The following MON2 variants were observed in gnomAD, a reference collection of about 807,000 sequenced individuals.
The protein encoded by MON2 is protein MON2 homolog.
A neutral mutation model predicts 208.6 loss-of-function variants in MON2; 84 were observed. The observed-to-expected ratio is 0.40, with a 90% confidence interval of 0.34 to 0.48. MON2 has a LOEUF of 0.48. Ranked by LOEUF, MON2 falls within the 20% of genes least tolerant of loss-of-function variation. MON2 has a pLI of 0.59. For synonymous variants in MON2, 660 were observed against 694.0 expected (o/e 0.95, Z 0.77); for missense variants, 1,611 against 2,015.4 (o/e 0.80, Z 3.84).
At position 62,498,859 on chromosome 12, in the gene MON2, T is replaced by G. The variant is rs144720499; in HGVS notation, c.436-60T>G. 1.4e-4 allele frequency: 214 copies of G among 1,493,462 alleles called. No individual in the cohort carries two copies. The African/African-American group carries it at 2.8e-3, about 20-fold the overall frequency. The allele number at this position is 1,493,462 out of a possible 1,614,324, so 92.5% of individuals were successfully genotyped here. ...AAACAACCAAACATAAATTATTCAA[T>G]AAAGATAATGGCTTTGCTTTTCAAT... On this transcript the variant is annotated intron_variant, in intron 4 of 34. Transcript: ENST00000393630.
Position 62,555,998 on chromosome 12 carries a change from T to C in MON2, c.3215T>C (p.Leu1072Pro). The change falls in exon 25 of 35, where the codon CTC (leucine) becomes CCC (proline). Residue 1072 changes from leucine to proline, a missense_variant. Transcript: ENST00000393630. Reference sequence around the variant, plus strand: ...GACATTTTAATAAATATTTAGGTACTCTTTCATCTACTGGACAGAGTTCGA... The same window carrying C: ...GACATTTTAATAAATATTTAGGTACCCTTTCATCTACTGGACAGAGTTCGA... ...STWHTVIWKVLFHLLDRVRES... is the reference protein window; with the variant it reads ...STWHTVIWKVPFHLLDRVRES... 1 of 1,604,016 alleles carries C rather than the reference T, an allele frequency of 6.2e-7. No individual in the cohort carries two copies. Among genetic ancestry groups the C allele is most frequent in the Non-Finnish European group, 8.5e-7 (1 of 1,172,210 alleles).
chr12:62,484,556 A>C (rs2069646650), intron 2 of MON2, among the ~76,000 whole-genome samples: 1 of 152,200 alleles, frequency 6.6e-6, no homozygotes, highest in South Asian at 2.1e-4. Flanking sequence ...AAAAGCATTC[A>C]GTAATATTTG....
intron 19 of MON2, among the ~76,000 whole-genome samples, chr12:62,540,291 T>A (rs2073177030): frequency 6.6e-6 from 1 of 152,172 alleles, no homozygotes; most frequent in South Asian, 2.1e-4. Flanking sequence ...ACAATTACTA[T>A]GGTATGAGAG....
At chr12:62,583,831 G>A (rs1251549271) in intron 32 of MON2, among the ~76,000 whole-genome samples, 6 of 150,000 alleles carry the variant, frequency 4.0e-5, no homozygotes, top group South Asian at 2.1e-4. Context: ...GTGGTGGTGC[G>A]TGCCTGTAAT....
At chr12:62,511,763 G>A (rs1464884935) in intron 8 of MON2, among the ~76,000 whole-genome samples, 3 of 152,154 alleles carry the variant, frequency 2.0e-5, no homozygotes, top group Non-Finnish European at 4.4e-5. Flanking sequence ...TAGACAAATG[G>A]AACTGCATCA....
At chr12:62,573,706 C>T (rs1260869950) in intron 30 of MON2, among the ~76,000 whole-genome samples, 2 of 150,848 alleles carry the variant, frequency 1.3e-5, no homozygotes, top group African/African-American at 4.9e-5. Flanking sequence ...AGTTTTTCTG[C>T]CATCTTCCTT....
At position 62,599,068 on chromosome 12, in the gene MON2, T is replaced by C. The variant is rs2075579278; in HGVS notation, c.*6319T>C. 1.3e-5 allele frequency: 2 copies of C among 152,186 alleles called. No individual in the cohort carries two copies. The highest frequency in any genetic ancestry group is 4.8e-5 in the African/African-American group (2 of 41,448). 9.4% of individuals were successfully genotyped at this position (152,186 alleles called of 1,614,324 possible). A position where few individuals can be genotyped will look rare whatever the true frequency, so the allele number is the denominator to read the frequency against. On this transcript the variant is annotated 3_prime_UTR_variant, in exon 35 of 35. Transcript: ENST00000393630. ...GACACCCCACATCACTTACTCTGTTTAAAGACTTTACGAGTAGTGAGTCAC... is the reference window on the plus strand; with the variant it reads ...GACACCCCACATCACTTACTCTGTTCAAAGACTTTACGAGTAGTGAGTCAC...
At chr12:62,589,365 A>G (rs1488475872) in intron 34 of MON2, among the ~76,000 whole-genome samples, 1 of 152,232 alleles carries the variant, frequency 6.6e-6, no homozygotes, top group East Asian at 1.9e-4. Context: ...GTAGATTCCT[A>G]GTAAATTACT....
At chr12:62,511,549 G>A (rs566893674) in intron 8 of MON2, among the ~76,000 whole-genome samples, 12 of 152,216 alleles carry the variant, frequency 7.9e-5, no homozygotes, top group African/African-American at 1.4e-4. Context: ...TGGGAAAACC[G>A]GATATTCACA....
intron 8 of MON2, among the ~76,000 whole-genome samples, chr12:62,513,684 C>T (rs1246643449): frequency 4.0e-5 from 6 of 148,734 alleles, no homozygotes; most frequent in Admixed American, 6.8e-5. Context: ...TGGTGGCTCA[C>T]GCCTGTAATC....
chr12:62,586,529 C>T (rs2136489429), intron 33 of MON2, among the ~76,000 whole-genome samples: 1 of 152,228 alleles, frequency 6.6e-6, no homozygotes, highest in East Asian at 1.9e-4. Context: ...GAAAAATAGT[C>T]ATGTGGTACT....
Position 62,467,274 on chromosome 12 carries a change from G to T in MON2, c.67G>T (p.Ala23Ser), listed in dbSNP as rs1166948492. Reference protein sequence around the residue: ...LLENMQSDLRALSLECKKKFP... With the variant: ...LLENMQSDLRSLSLECKKKFP... ...GGAGAATATGCAGAGCGACTTGCGC[G>T]CCTTGTCACTGGAGTGCAAGAAGAA... The change falls in exon 1 of 35, where the codon GCC (alanine) becomes TCC (serine). Residue 23 changes from alanine to serine, a missense_variant. Ala to Ser is a moderately conservative substitution (Grantham distance 99). Coordinates refer to ENST00000393630, the MANE Select transcript of MON2 (RefSeq NM_015026.3). 3.7e-6 allele frequency: 6 copies of T among 1,613,986 alleles called. No individual in the cohort carries two copies. Among genetic ancestry groups the T allele is most frequent in the Admixed American group, 3.3e-5 (2 of 60,012 alleles).
At chr12:62,491,042 T>A (rs927565957) in intron 2 of MON2, among the ~76,000 whole-genome samples, 1 of 152,170 alleles carries the variant, frequency 6.6e-6, no homozygotes, top group Non-Finnish European at 1.5e-5. Flanking sequence ...TGTAGTTATC[T>A]TTTTCAATAT....
At chr12:62,527,605 C>T (rs1284701068) in intron 11 of MON2, among the ~76,000 whole-genome samples, 1 of 152,006 alleles carries the variant, frequency 6.6e-6, no homozygotes, top group Non-Finnish European at 1.5e-5. Flanking sequence ...TGAACATAAA[C>T]CAACACAGAA....
intron 11 of MON2, among the ~76,000 whole-genome samples, chr12:62,526,528 T>C (rs2072338858): frequency 6.6e-6 from 1 of 152,170 alleles, no homozygotes; most frequent in African/African-American, 2.4e-5. Context: ...GAATTCTATA[T>C]GTAAGAAAAG....
intron 11 of MON2, among the ~76,000 whole-genome samples, chr12:62,528,526 C>T (rs1326668302): frequency 1.3e-5 from 2 of 152,108 alleles, no homozygotes; most frequent in African/African-American, 4.8e-5. Flanking sequence ...AATAAAGTAG[C>T]ACTGAAACAG....
At position 62,565,996 on chromosome 12, in the gene MON2, A is replaced by C. The variant is rs749577276; in HGVS notation, c.4177-18A>C. ...TTTCTCATTCTATTTGTCTTGCAAC[A>C]CAATGGAATCACAATAGATCCAACT... On this transcript the variant is annotated intron_variant, in intron 27 of 34. Transcript: ENST00000393630. 7 of 1,604,980 alleles carry C rather than the reference A, an allele frequency of 4.4e-6. No homozygotes were observed. In the Admixed American group the frequency reaches 8.5e-5, roughly 20 times the overall value.
intron 7 of MON2, 31 bp from the exon 8 acceptor site, chr12:62,508,255 A>C (rs757729463): frequency 6.4e-7 from 1 of 1,553,416 alleles, no homozygotes; most frequent in Non-Finnish European, 8.8e-7. Flanking sequence ...AAAGTTAATT[A>C]TTTTTTTCTT....
chr12:62,491,634 ACC>A, intron 2 of MON2, among the ~76,000 whole-genome samples: 1 of 152,270 alleles, frequency 6.6e-6, no homozygotes, highest in Non-Finnish European at 1.5e-5. Context: ...AGAATAGTGA[ACC>A]AGGAGTTAGA....
Sources: allele counts gnomAD v4.1 joint callset (sites outside exome capture counted in the v4.1 genomes callset), GRCh38; gene constraint gnomAD v4.1.1; transcripts MANE v1.5; gene names NCBI Gene and HGNC (gene_info 2026-07-23, HGNC 2026-07-21).